ABCC4: variants seen among roughly 807,000 people sequenced by gnomAD.
ABCC4 encodes the protein ATP-binding cassette sub-family C member 4.
In ABCC4, 102 loss-of-function variants were observed where a neutral mutation model predicts 168.5. That is an observed-to-expected ratio of 0.61 (90% CI 0.52 to 0.71). ABCC4 has a LOEUF of 0.71. Among genes scored for constraint, ABCC4 ranks in the 30% least tolerant of loss-of-function variants. ABCC4 has a pLI of 0.00. For synonymous variants in ABCC4, 617 were observed against 590.7 expected (o/e 1.04, Z -0.65); for missense variants, 1,402 against 1,605.8 (o/e 0.87, Z 2.17).
intron 19 of ABCC4, among the ~76,000 whole-genome samples, chr13:95,137,725 A>G (rs1214557160): frequency 6.6e-6 from 1 of 152,152 alleles, no homozygotes; most frequent in African/African-American, 2.4e-5. Context: ...TCCTTAAAGC[A>G]CGATGTGGAC....
At chr13:95,110,789 G>A (rs1466729163) in intron 20 of ABCC4, among the ~76,000 whole-genome samples, 2 of 151,830 alleles carry the variant, frequency 1.3e-5, no homozygotes, top group African/African-American at 2.4e-5. Context: ...GCAAAATGGT[G>A]AAACCCCATC....
chr13:95,168,390 T>C (rs987136884), intron 14 of ABCC4, among the ~76,000 whole-genome samples: 4 of 152,184 alleles, frequency 2.6e-5, no homozygotes, highest in African/African-American at 9.6e-5. Context: ...ATAATCCTCT[T>C]AAGGGTGAGA....
intron 19 of ABCC4, among the ~76,000 whole-genome samples, chr13:95,118,259 T>A (rs1006127171): frequency 6.6e-6 from 1 of 151,890 alleles, no homozygotes; most frequent in African/African-American, 2.4e-5. Flanking sequence ...GTTTTAATTT[T>A]TTTTTTTTTT....
intron 1 of ABCC4, 46 bp downstream of exon 1, chr13:95,301,195 G>C (rs376976535): frequency 1.8e-5 from 28 of 1,539,420 alleles, no homozygotes; most frequent in Non-Finnish European, 2.3e-5. Context: ...GTGCGTCCGC[G>C]GCGCCAGCGG....
chr13:95,061,990 GA>G (rs1345217371), intron 26 of ABCC4, among the ~76,000 whole-genome samples: 1 of 152,158 alleles, frequency 6.6e-6, no homozygotes, highest in Non-Finnish European at 1.5e-5. Flanking sequence ...CTGCAAAGGA[GA>G]AGAAAAGAAA....
At chr13:95,191,549 G>A (rs2038251731) in intron 9 of ABCC4, among the ~76,000 whole-genome samples, 2 of 152,146 alleles carry the variant, frequency 1.3e-5, no homozygotes, top group East Asian at 1.9e-4. Context: ...ATATTTACAC[G>A]ATTTTAAGTG....
chr13:95,157,440 T>A (rs2036907377), intron 19 of ABCC4, among the ~76,000 whole-genome samples: 1 of 150,556 alleles, frequency 6.6e-6, no homozygotes, highest in African/African-American at 2.5e-5. Context: ...ACATTTGCAG[T>A]GAGCTGAGAT....
intron 20 of ABCC4, among the ~76,000 whole-genome samples, chr13:95,108,771 T>C (rs1322861268): frequency 6.6e-6 from 1 of 152,044 alleles, no homozygotes; most frequent in Admixed American, 6.6e-5. Context: ...TAGCTGGGAC[T>C]ACAGGTACCC....
intron 26 of ABCC4, among the ~76,000 whole-genome samples, chr13:95,062,486 T>TCACACACACACACACA (rs1490489305): frequency 1.4e-5 from 2 of 144,880 alleles, no homozygotes; most frequent in African/African-American, 5.1e-5. Context: ...TTATTAAATA[T>TCACACACACACACACA]CACACACACA....
chr13:95,257,841 A>C (rs1277564265), intron 1 of ABCC4, among the ~76,000 whole-genome samples: 1 of 152,066 alleles, frequency 6.6e-6, no homozygotes, highest in Non-Finnish European at 1.5e-5. Context: ...TAAACAACTG[A>C]TAGAATTTAG....
intron 19 of ABCC4, among the ~76,000 whole-genome samples, chr13:95,159,655 C>A (rs770032380): frequency 1.3e-5 from 2 of 152,182 alleles, no homozygotes; most frequent in Non-Finnish European, 2.9e-5. Flanking sequence ...GGCAAAGTGG[C>A]GCAACGTTAC....
intron 27 of ABCC4, among the ~76,000 whole-genome samples, chr13:95,045,051 T>C (rs1232906329): frequency 6.6e-6 from 1 of 152,114 alleles, no homozygotes; most frequent in Non-Finnish European, 1.5e-5. Flanking sequence ...TGGAAAAAAA[T>C]CATATCAGTG....
intron 19 of ABCC4, among the ~76,000 whole-genome samples, chr13:95,131,458 T>C (rs771517693): frequency 1.3e-5 from 2 of 151,942 alleles, no homozygotes; most frequent in African/African-American, 2.4e-5. Context: ...TGAAACCCCG[T>C]CTCTACTAAA....
chr13:95,283,869 G>C (rs1380791134), intron 1 of ABCC4, among the ~76,000 whole-genome samples: 1 of 147,594 alleles, frequency 6.8e-6, no homozygotes, highest in African/African-American at 2.5e-5. Flanking sequence ...TTGCACTCCA[G>C]CCTGGGCAAC....
At chr13:95,230,633 G>A (rs1273072683) in intron 4 of ABCC4, among the ~76,000 whole-genome samples, 1 of 152,136 alleles carries the variant, frequency 6.6e-6, no homozygotes, top group Non-Finnish European at 1.5e-5. Flanking sequence ...AAATTAGCCT[G>A]GCGTGGTGGC....
chr13:95,282,692 G>A (rs1469016673), intron 1 of ABCC4, among the ~76,000 whole-genome samples: 1 of 151,608 alleles, frequency 6.6e-6, no homozygotes, highest in Non-Finnish European at 1.5e-5. Flanking sequence ...ACGCCATCAT[G>A]CCTGGCTAAT....
intron 4 of ABCC4, among the ~76,000 whole-genome samples, chr13:95,228,984 A>C (rs975630359): frequency 6.6e-6 from 1 of 152,186 alleles, no homozygotes; most frequent in Non-Finnish European, 1.5e-5. Flanking sequence ...AGAAAGATGA[A>C]GAGTACCTGA....
At chr13:95,115,854 G>C (rs538836624) in intron 20 of ABCC4, 68 bp downstream of exon 20, 1 of 1,385,364 alleles carries the variant, frequency 7.2e-7, no homozygotes, top group African/African-American at 1.4e-5. Flanking sequence ...CAGACCCCAT[G>C]AAAAGGGCTT....
chr13:95,211,920 C>T (rs923171981), intron 4 of ABCC4, among the ~76,000 whole-genome samples: 1 of 152,108 alleles, frequency 6.6e-6, no homozygotes, highest in African/African-American at 2.4e-5. Flanking sequence ...TGGCTCACAC[C>T]TGTAATCCCA....
Sources: allele counts gnomAD v4.1 joint callset (sites outside exome capture counted in the v4.1 genomes callset), GRCh38; gene constraint gnomAD v4.1.1; transcripts MANE v1.5; gene names NCBI Gene and HGNC (gene_info 2026-07-23, HGNC 2026-07-21).